Variants in RNF121 observed in about 807,000 individuals in gnomAD.
RNF121 encodes ring finger protein 121.
RNF121 carries 21 observed loss-of-function variants against 46.5 expected under a neutral mutation model. The observed-to-expected ratio is 0.45, with a 90% CI of 0.32 to 0.65. The LOEUF (loss-of-function observed/expected upper bound fraction) is 0.65. Ranked by LOEUF, RNF121 falls within the 30% of genes least tolerant of loss-of-function variation. RNF121 has a pLI of 0.04. For missense variants in RNF121, 346 were observed against 416.0 expected (o/e 0.83, Z 1.46); for synonymous variants, 139 against 144.7 (o/e 0.96, Z 0.28).
chr11:71,979,058 C>G (rs1954592716), intron 3 of RNF121, among the ~76,000 whole-genome samples: 1 of 152,154 alleles, frequency 6.6e-6, no homozygotes, highest in Admixed American at 6.5e-5. Context: ...CTGGTAACTC[C>G]TAGAGGACTA....
chr11:71,978,205 G>A, intron 3 of RNF121: 1 of 451,764 alleles, frequency 2.2e-6, no homozygotes, highest in Non-Finnish European at 4.4e-6. Context: ...CCGGCCTACA[G>A]TAGAAATTTT....
rs146437212 is a variant in RNF121 at position 71,977,456 on chromosome 11, G to C, written c.244-5305G>C. On this transcript the variant is annotated intron_variant, in intron 3 of 8. Transcript: ENST00000361756. ...CTTCTACTGATGGTTCCAGCTCTCA[G>C]TTAAGAGGCAATCCGTTTAAATGTG... Among the ~76,000 whole-genome samples the C allele has an allele frequency of 9.2e-5, 14 of 152,316 alleles. No homozygotes were observed. In the East Asian group the frequency reaches 2.5e-3, roughly 27 times the overall value.
At chr11:71,991,730 C>T (rs562802342) in intron 6 of RNF121, among the ~76,000 whole-genome samples, 2 of 152,146 alleles carry the variant, frequency 1.3e-5, no homozygotes, top group African/African-American at 4.8e-5. Context: ...GGAACTAAGA[C>T]CATTGCGGTT....
Position 71,997,203 on chromosome 11 carries a change from C to CGTGTGT in RNF121, c.*907_*912dup, listed in dbSNP as rs3841467. 3.3e-5 allele frequency: 5 copies of CGTGTGT among 150,136 alleles called. No individual in the cohort carries two copies. Among genetic ancestry groups the CGTGTGT allele is most frequent in the Non-Finnish European group, 5.9e-5 (4 of 67,446 alleles). The allele number at this position is 150,136 out of a possible 1,614,324, so 9.3% of individuals were successfully genotyped here. A position where few individuals can be genotyped will look rare whatever the true frequency, so the allele number is the denominator to read the frequency against. Reference sequence around the variant, plus strand: ...TCTTGAAAGCCTAAGAGTGCGTATGCGTGTGTGTGTGTGTGTGTGTGTGTA... The same window carrying CGTGTGT: ...TCTTGAAAGCCTAAGAGTGCGTATGCGTGTGTGTGTGTGTGTGTGTGTGTGTGTGTA... On this transcript the variant is annotated 3_prime_UTR_variant, in exon 9 of 9. Coordinates refer to ENST00000361756, the MANE Select transcript of RNF121 (RefSeq NM_018320.5).
intron 6 of RNF121, 132 bp from the exon 7 acceptor site, chr11:71,994,587 A>G: frequency 1.1e-6 from 1 of 944,264 alleles, no homozygotes. Context: ...AAAAAAAAAG[A>G]TGTCCTCTAA....
At chr11:71,933,138 C>A (rs1345065605) in intron 1 of RNF121, among the ~76,000 whole-genome samples, 1 of 152,184 alleles carries the variant, frequency 6.6e-6, no homozygotes, top group Non-Finnish European at 1.5e-5. Context: ...GGAGGCTAAC[C>A]AACCTCTGAG....
At chr11:71,961,749 C>T (rs1049095264) in intron 3 of RNF121, among the ~76,000 whole-genome samples, 6 of 152,018 alleles carry the variant, frequency 3.9e-5, no homozygotes, top group South Asian at 4.2e-4. Context: ...CCTCATTTAT[C>T]GATATGCTGT....
intron 7 of RNF121, 44 bp downstream of exon 7, chr11:71,994,896 G>A: frequency 6.2e-7 from 1 of 1,612,432 alleles, no homozygotes; most frequent in Non-Finnish European, 8.5e-7. Flanking sequence ...CCTGCAATCT[G>A]CACACTGTAG....
chr11:71,949,138 C>T (rs888435594), intron 1 of RNF121, among the ~76,000 whole-genome samples: 1 of 152,216 alleles, frequency 6.6e-6, no homozygotes, highest in African/African-American at 2.4e-5. Flanking sequence ...GAAGTCTTGG[C>T]TGGGCATGGT....
chr11:71,971,565 TCC>T (rs1395927755), intron 3 of RNF121, among the ~76,000 whole-genome samples: 1 of 151,876 alleles, frequency 6.6e-6, no homozygotes, highest in Admixed American at 6.6e-5. Flanking sequence ...TTAATATTTA[TCC>T]AGAGAAACTC....
At chr11:71,983,972 C>CT (rs1301068900) in intron 4 of RNF121, among the ~76,000 whole-genome samples, 15 of 152,352 alleles carry the variant, frequency 9.8e-5, no homozygotes, top group Middle Eastern at 6.8e-3. Context: ...ATAAGTTCCT[C>CT]TCTGGCTTTG....
At chr11:71,971,519 G>T (rs1954419334) in intron 3 of RNF121, among the ~76,000 whole-genome samples, 1 of 152,152 alleles carries the variant, frequency 6.6e-6, no homozygotes, top group Non-Finnish European at 1.5e-5. Flanking sequence ...AAACTGAATG[G>T]AGAATAGATG....
intron 6 of RNF121, among the ~76,000 whole-genome samples, chr11:71,991,818 T>C (rs1039731299): frequency 2.6e-5 from 4 of 152,106 alleles, no homozygotes; most frequent in Non-Finnish European, 5.9e-5. Flanking sequence ...ATTTTGATTT[T>C]TATGCTAAAA....
intron 1 of RNF121, among the ~76,000 whole-genome samples, chr11:71,937,475 C>T (rs1006504762): frequency 1.3e-5 from 2 of 152,118 alleles, no homozygotes; most frequent in African/African-American, 4.8e-5. Context: ...CCATGCCCAG[C>T]TAATTTTTGT....
chr11:71,942,228 C>T (rs368986250), intron 1 of RNF121, among the ~76,000 whole-genome samples: 7 of 151,856 alleles, frequency 4.6e-5, no homozygotes, highest in South Asian at 2.1e-4. Flanking sequence ...CCACCGTGCC[C>T]GGCAATGAAA....
chr11:71,957,820 G>C (rs4945378), intron 2 of RNF121, among the ~76,000 whole-genome samples: 1 of 152,122 alleles, frequency 6.6e-6, no homozygotes, highest in Non-Finnish European at 1.5e-5. Context: ...TATATCTTAT[G>C]ATGATTGCTC....
intron 1 of RNF121, among the ~76,000 whole-genome samples, chr11:71,944,134 C>A (rs898468460): frequency 6.6e-6 from 1 of 152,028 alleles, no homozygotes; most frequent in Non-Finnish European, 1.5e-5. Flanking sequence ...GAGTTCGAGA[C>A]CAGCTTGGGC....
At chr11:71,969,352 ATAAC>A (rs1390896810) in intron 3 of RNF121, among the ~76,000 whole-genome samples, 2 of 152,232 alleles carry the variant, frequency 1.3e-5, no homozygotes, top group African/African-American at 4.8e-5. Context: ...AAAATATAAA[ATAAC>A]TATAGCTACA....
intron 3 of RNF121, among the ~76,000 whole-genome samples, chr11:71,976,845 C>T (rs987837039): frequency 2.0e-5 from 3 of 152,116 alleles, no homozygotes; most frequent in Non-Finnish European, 4.4e-5. Context: ...GGTTTTGATT[C>T]TTCATTTCAG....
Sources: gnomAD v4.1 joint callset for allele counts (sites outside exome capture counted in the v4.1 genomes callset) on GRCh38, gnomAD v4.1.1 for gene constraint, MANE v1.5 for transcripts, NCBI Gene and HGNC (gene_info 2026-07-23, HGNC 2026-07-21) for gene names.